Variants in QTGAL observed in about 807,000 individuals in gnomAD.
QTGAL encodes the protein BGnT-like protein 1.
At chr17:82,988,765 T>G in the QTGAL span, among the ~76,000 whole-genome samples, 1 of 150,550 alleles carries the variant, frequency 6.6e-6, no homozygotes, top group Admixed American at 6.7e-5. Flanking sequence ...TCAACATCAC[T>G]GATCATCAGA....
At chr17:83,030,963 C>T in the QTGAL span, 1 of 152,272 alleles carries the variant, frequency 6.6e-6, no homozygotes, top group Admixed American at 6.5e-5. Flanking sequence ...CTCTCACAAC[C>T]ACCAGACCTC....
At chr17:82,955,914 C>T in the QTGAL span, among the ~76,000 whole-genome samples, 66 of 151,764 alleles carry the variant, frequency 4.3e-4, no homozygotes, top group African/African-American at 1.4e-3. Context: ...AACCAAACAC[C>T]GCATGTTCTC....
the QTGAL span, chr17:82,947,206 C>T: frequency 1.7e-5 from 9 of 521,174 alleles, no homozygotes; most frequent in South Asian, 2.4e-4. Flanking sequence ...GGGAGGCCCC[C>T]CCTGCCTTCT....
At chr17:82,960,422 CGGCAGGCAGGT>C in the QTGAL span, 1 of 152,272 alleles carries the variant, frequency 6.6e-6, no homozygotes, top group Non-Finnish European at 1.5e-5. Flanking sequence ...CTGCGGCACG[CGGCAGGCAGGT>C]GGCCGAGACC....
the QTGAL span, chr17:82,957,045 G>A: frequency 1.6e-6 from 2 of 1,266,026 alleles, no homozygotes; most frequent in Non-Finnish European, 2.3e-6. Context: ...AAGAATGGGG[G>A]CTGGGCTCCC....
chr17:83,026,344 T>A, the QTGAL span, among the ~76,000 whole-genome samples: 1 of 152,182 alleles, frequency 6.6e-6, no homozygotes, highest in Non-Finnish European at 1.5e-5. Flanking sequence ...AGCAGCACCA[T>A]TCCTCAAAGC....
the QTGAL span, among the ~76,000 whole-genome samples, chr17:82,972,315 ACAGGGGCCAGAAGGACC>A: frequency 7.2e-6 from 1 of 139,510 alleles, no homozygotes; most frequent in African/African-American, 2.9e-5. Context: ...ACACCACACC[ACAGGGGCCAGAAGGACC>A]TGGTACTGAC....
chr17:82,978,466 C>T, the QTGAL span: 2 of 152,170 alleles, frequency 1.3e-5, no homozygotes, highest in South Asian at 2.1e-4. This position sits in a 1 kb window ranked among gnomAD's most constrained non-coding sequence, Gnocchi z 4.8. Context: ...TCCTGGATTC[C>T]GCTGCTGTGA....
the QTGAL span, chr17:82,965,548 C>G: frequency 2.5e-6 from 3 of 1,191,804 alleles, no homozygotes; most frequent in African/African-American, 4.7e-5. Context: ...TGCAGAGCCC[C>G]GGAGGCATGG....
At chr17:82,978,889 C>T in the QTGAL span, 6 of 152,000 alleles carry the variant, frequency 3.9e-5, no homozygotes, top group Non-Finnish European at 7.4e-5. This position sits in a 1 kb window ranked among gnomAD's most constrained non-coding sequence, Gnocchi z 4.8. Context: ...AATCCATGGG[C>T]CAAAGAGGAA....
At chr17:83,014,863 C>A in the QTGAL span, among the ~76,000 whole-genome samples, 1 of 152,382 alleles carries the variant, frequency 6.6e-6, no homozygotes, top group East Asian at 1.9e-4. Flanking sequence ...ACCTCGTCAG[C>A]CATCAGAGAA....
At chr17:82,960,972 G>A in the QTGAL span, 1 of 1,498,188 alleles carries the variant, frequency 6.7e-7, no homozygotes, top group South Asian at 1.3e-5. Context: ...TCTGGGGTCG[G>A]CCCCACCAAC....
At chr17:83,008,660 A>G in the QTGAL span, among the ~76,000 whole-genome samples, 2 of 152,164 alleles carry the variant, frequency 1.3e-5, no homozygotes, top group African/African-American at 4.8e-5. Context: ...GTCAAAGGCA[A>G]CGCAGCTTCT....
the QTGAL span, among the ~76,000 whole-genome samples, chr17:83,012,793 C>T: frequency 6.6e-6 from 1 of 152,146 alleles, no homozygotes; most frequent in Non-Finnish European, 1.5e-5. Flanking sequence ...CCATTTTCCC[C>T]CTATTCCCCA....
the QTGAL span, among the ~76,000 whole-genome samples, chr17:82,995,434 G>C: frequency 6.6e-6 from 1 of 150,808 alleles, no homozygotes; most frequent in Non-Finnish European, 1.5e-5. Context: ...CCAGGCTGGA[G>C]TGCAGTGGCA....
At chr17:82,955,101 A>C in the QTGAL span, among the ~76,000 whole-genome samples, 1 of 152,250 alleles carries the variant, frequency 6.6e-6, no homozygotes, top group African/African-American at 2.4e-5. Context: ...AAGCAATTGC[A>C]ACAGAAGCCA....
At chr17:82,979,760 C>A in the QTGAL span, among the ~76,000 whole-genome samples, 6 of 152,154 alleles carry the variant, frequency 3.9e-5, no homozygotes, top group African/African-American at 1.4e-4. Context: ...CAAGCTGATT[C>A]TAAAATTTAT....
the QTGAL span, among the ~76,000 whole-genome samples, chr17:83,050,611 A>T: frequency 6.6e-6 from 1 of 152,252 alleles, no homozygotes; most frequent in Non-Finnish European, 1.5e-5. Flanking sequence ...AAACATGCTG[A>T]GCCTTTGGGC....
the QTGAL span, among the ~76,000 whole-genome samples, chr17:82,994,489 A>G: frequency 1.3e-5 from 2 of 152,166 alleles, no homozygotes; most frequent in Non-Finnish European, 2.9e-5. Context: ...GCCTACCAAG[A>G]CTGAACCATG....
Sources: allele counts gnomAD v4.1 joint callset (sites outside exome capture counted in the v4.1 genomes callset), GRCh38; gene constraint gnomAD v4.1.1; non-coding constraint Gnocchi (gnomAD v3.1); transcripts MANE v1.5; gene names NCBI Gene and HGNC (gene_info 2026-07-23, HGNC 2026-07-21).